Variants in MTMR3 observed in about 807,000 individuals in gnomAD.
MTMR3 encodes the protein myotubularin related protein 3.
A neutral mutation model predicts 132.4 loss-of-function variants in MTMR3; 32 were observed. The observed-to-expected ratio is 0.24, with a 90% confidence interval of 0.18 to 0.32. The LOEUF is 0.32. Ranked by LOEUF, MTMR3 falls within the 10% of genes least tolerant of loss-of-function variation. The pLI, the probability that MTMR3 is intolerant of heterozygous loss-of-function variation, is 1.00. For synonymous variants in MTMR3, 556 were observed against 550.3 expected (o/e 1.01, Z -0.14); for missense variants, 1,216 against 1,489.6 (o/e 0.82, Z 3.02).
In MTMR3 at chr22:29,890,173, T is replaced by C. The variant is rs374353231; in HGVS notation, c.-138+6814T>C. Among the ~76,000 whole-genome samples the C allele has an allele frequency of 3.2e-4, 48 of 151,964 alleles. 1 individual carries two copies. In the East Asian group the frequency reaches 5.4e-3, roughly 17 times the overall value. The stretch of plus-strand genomic sequence containing the variant: ...CACCTGCCTCCGCCTCCCAAAGTGC[T>C]GGGATTACAGGCCTGAGCCACTGCA... On this transcript the variant is annotated intron_variant, in intron 1 of 19. Coordinates refer to ENST00000401950, the MANE Select transcript of MTMR3 (RefSeq NM_021090.4).
chr22:29,893,305 C>CA (rs369461333), intron 1 of MTMR3, among the ~76,000 whole-genome samples: 4 of 151,746 alleles, frequency 2.6e-5, no homozygotes, highest in East Asian at 1.9e-4. Context: ...TTCATGGTGA[C>CA]AAAAAAAATA....
chr22:30,022,681 A>G lies in MTMR3; in HGVS notation c.3409A>G (p.Arg1137Gly), dbSNP rs1200016337. 1 of 1,609,294 alleles carries G rather than the reference A, an allele frequency of 6.2e-7. No homozygotes were observed. ...CGACAGTGCCTTCTGGCTTGCCAGCAGGAAGCACCACTGCAGGTACCATTG... is the reference window on the plus strand; with the variant it reads ...CGACAGTGCCTTCTGGCTTGCCAGCGGGAAGCACCACTGCAGGTACCATTG... ...ACDSAFWLAS[R>G]KHHCRNCGNV... Residue 1137 changes from arginine to glycine, a missense_variant, in exon 19 of 20, where the codon AGG (arginine) becomes GGG (glycine). By Grantham distance (125) the Arg-to-Gly change is moderately radical (BLOSUM62 -2). Around this residue, in one of 7 missense-constraint regions of MTMR3, gnomAD observed 852 missense variants for 852.0 expected, o/e 1.00. Transcript: ENST00000401950.
chr22:30,022,691 A>G lies in MTMR3; in HGVS notation c.3419A>G (p.His1140Arg), dbSNP rs753450913. 6.2e-7 allele frequency: 1 copy of G among 1,607,586 alleles called. No individual in the cohort carries two copies. The highest frequency in any genetic ancestry group is 1.1e-5 in the South Asian group (1 of 90,964). ...SAFWLASRKHHCRNCGNVFCS... is the reference protein window; with the variant it reads ...SAFWLASRKHRCRNCGNVFCS... The stretch of plus-strand genomic sequence containing the variant: ...TTCTGGCTTGCCAGCAGGAAGCACC[A>G]CTGCAGGTACCATTGAGGGGCTGTG... Residue 1140 changes from histidine to arginine, a missense_variant, in exon 19 of 20, where the codon CAC (histidine) becomes CGC (arginine). This residue lies in a region of MTMR3 where 852 missense variants were observed against 852.0 expected (regional missense o/e 1.00). Transcript: ENST00000401950.
At chr22:30,025,172 C>T (rs570960828) in intron 19 of MTMR3, 12 of 161,846 alleles carry the variant, frequency 7.4e-5, no homozygotes, top group Admixed American at 3.5e-4. Context: ...GAGAAGTGGC[C>T]GTTGGGCAAG....
At chr22:30,003,197 T>C (rs1350660151) in intron 9 of MTMR3, 2 of 434,750 alleles carry the variant, frequency 4.6e-6, no homozygotes, top group African/African-American at 4.0e-5. Context: ...TGGTTGTTCA[T>C]TTGAAACAGA....
intron 12 of MTMR3, chr22:30,010,277 CAT>C: frequency 6.6e-6 from 1 of 152,266 alleles, no homozygotes; most frequent in Admixed American, 6.5e-5. Flanking sequence ...AAATGAAAGA[CAT>C]GTAATCAACA....
At chr22:30,002,007 TTGTG>T (rs933527678) in intron 8 of MTMR3, 1 of 152,138 alleles carries the variant, frequency 6.6e-6, no homozygotes, top group African/African-American at 2.4e-5. Flanking sequence ...TTGGTGGAGT[TTGTG>T]TGTTTTAGGA....
At chr22:29,910,080 C>T (rs1468146530) in intron 1 of MTMR3, among the ~76,000 whole-genome samples, 13 of 151,746 alleles carry the variant, frequency 8.6e-5, no homozygotes, top group Admixed American at 5.3e-4. Flanking sequence ...AGGAGAATGG[C>T]GTGAACCCAG....
At chr22:29,959,121 G>A (rs2066256877) in intron 2 of MTMR3, among the ~76,000 whole-genome samples, 1 of 152,166 alleles carries the variant, frequency 6.6e-6, no homozygotes, top group Non-Finnish European at 1.5e-5. Flanking sequence ...TGAAAGATGA[G>A]ATTCCATGTT....
chr22:29,898,548 T>A (rs1218175947), intron 1 of MTMR3, among the ~76,000 whole-genome samples: 3 of 152,072 alleles, frequency 2.0e-5, no homozygotes, highest in African/African-American at 4.8e-5. Context: ...GACTACAGTG[T>A]TGGGCCACCA....
intron 19 of MTMR3, chr22:30,024,536 ATTC>A (rs1190639807): frequency 1.3e-5 from 2 of 152,022 alleles, no homozygotes; most frequent in African/African-American, 2.4e-5. Flanking sequence ...CTTTTGTGGT[ATTC>A]TTTTGTTCCC....
chr22:29,969,612 C>G (rs1305041728), intron 2 of MTMR3, among the ~76,000 whole-genome samples: 1 of 152,016 alleles, frequency 6.6e-6, no homozygotes, highest in Non-Finnish European at 1.5e-5. Flanking sequence ...CTCACTGCAA[C>G]CTCTGCCTCC....
chr22:30,024,606 G>T (rs563456659), intron 19 of MTMR3: 3 of 152,288 alleles, frequency 2.0e-5, no homozygotes, highest in African/African-American at 7.2e-5. Context: ...CCAGCAGTGG[G>T]TTTGCATTCC....
intron 5 of MTMR3, chr22:29,983,216 C>T (rs1427094986): frequency 6.6e-6 from 1 of 152,152 alleles, no homozygotes. Flanking sequence ...GGAAAAAGCC[C>T]TGCAGTTTAT....
chr22:30,023,501 C>A (rs1254030870), intron 19 of MTMR3: 1 of 1,613,962 alleles, frequency 6.2e-7, no homozygotes. Flanking sequence ...TTTGCAACAA[C>A]CTGCCTGTGA....
At chr22:29,946,398 G>C (rs1274437974) in intron 1 of MTMR3, among the ~76,000 whole-genome samples, 6 of 152,116 alleles carry the variant, frequency 3.9e-5, no homozygotes, top group Non-Finnish European at 5.9e-5. Context: ...CAGGGTTGAG[G>C]GTTATTTGGG....
chr22:29,952,384 A>G (rs930125719), intron 1 of MTMR3, among the ~76,000 whole-genome samples: 11 of 150,644 alleles, frequency 7.3e-5, no homozygotes, highest in Admixed American at 7.3e-4. Context: ...GATAGAAAAG[A>G]CACATAGCTT....
intron 1 of MTMR3, among the ~76,000 whole-genome samples, chr22:29,898,952 A>G (rs1320692341): frequency 1.3e-5 from 2 of 149,122 alleles, no homozygotes; most frequent in African/African-American, 4.9e-5. Context: ...GTAGTAATCC[A>G]TAGTTCAGAT....
rs543638292 is a variant in MTMR3, at chr22:29,915,526, A to G, written c.-138+32167A>G. 2.0e-5 allele frequency among the ~76,000 whole-genome samples: 3 copies of G among 152,194 alleles called. No homozygotes were observed. In the South Asian group the frequency reaches 6.2e-4, roughly 32 times the overall value. On this transcript the variant is annotated intron_variant, in intron 1 of 19. Transcript: ENST00000401950. ...AACCTCAGCCTCCCGGGTTCAAGTG[A>G]TTCTCCTGCCTCAGCCTCCTGAGGA...
Sources: allele counts gnomAD v4.1 joint callset (sites outside exome capture counted in the v4.1 genomes callset), GRCh38; gene constraint gnomAD v4.1.1; regional missense constraint gnomAD v4.1.1; transcripts MANE v1.5; gene names NCBI Gene and HGNC (gene_info 2026-07-23, HGNC 2026-07-21).